The following SNX30 variants were observed in gnomAD, a reference collection of about 807,000 sequenced individuals.
SNX30 encodes sorting nexin-30.
In SNX30, 24 loss-of-function variants were observed where a neutral mutation model predicts 46.4. The observed-to-expected ratio is 0.52, with a 90% CI of 0.37 to 0.73. SNX30 has a LOEUF of 0.73. Among genes scored for constraint, SNX30 ranks in the 30% least tolerant of loss-of-function variants. SNX30 has a pLI of 0.00. For synonymous variants in SNX30, 189 were observed against 211.5 expected (o/e 0.89, Z 0.92); for missense variants, 533 against 555.7 (o/e 0.96, Z 0.41).
rs1841501216 is a variant in SNX30, at chr9:112,874,885, AAAAGAATTT to A, written c.*6043_*6051del. 6.6e-6 allele frequency: 1 copy of A among 152,228 alleles called. No individual in the cohort carries two copies. The highest frequency in any genetic ancestry group is 2.4e-5 in the African/African-American group (1 of 41,470). 9.4% of individuals were successfully genotyped at this position (152,228 alleles called of 1,614,324 possible). A position where few individuals can be genotyped will look rare whatever the true frequency, so the allele number is the denominator to read the frequency against. ...ATTAGTATTACATTTTGAGGTAAAC[AAAAGAATTT>A]GTATTGCTTGATAAATATTAGCTTG... On this transcript the variant is annotated 3_prime_UTR_variant, in exon 9 of 9. Coordinates refer to ENST00000374232, the MANE Select transcript of SNX30 (RefSeq NM_001012994.2).
chr9:112,808,699 A>G (rs967315065), intron 2 of SNX30, among the ~76,000 whole-genome samples: 5 of 122,440 alleles, frequency 4.1e-5, no homozygotes, highest in African/African-American at 1.5e-4. Flanking sequence ...CTGACTTTCT[A>G]TACTACTTCA....
intron 7 of SNX30, among the ~76,000 whole-genome samples, chr9:112,863,158 C>T (rs1841264450): frequency 6.6e-6 from 1 of 152,184 alleles, no homozygotes; most frequent in Admixed American, 6.5e-5. Flanking sequence ...TCATTGGCAT[C>T]ATTCTGGGTC....
chr9:112,797,715 T>TTC (rs1554751759), intron 1 of SNX30, among the ~76,000 whole-genome samples: 1 of 144,304 alleles, frequency 6.9e-6, no homozygotes, highest in African/African-American at 2.5e-5. Context: ...CTTTTTCTTT[T>TTC]TTTTTTTTTT....
At chr9:112,761,238 C>G (rs1454654544) in intron 1 of SNX30, among the ~76,000 whole-genome samples, 1 of 152,218 alleles carries the variant, frequency 6.6e-6, no homozygotes, top group Non-Finnish European at 1.5e-5. Flanking sequence ...CCTTGACTCA[C>G]TGCAACCTCC....
At chr9:112,815,698 C>T (rs1840386579) in intron 2 of SNX30, among the ~76,000 whole-genome samples, 2 of 152,128 alleles carry the variant, frequency 1.3e-5, no homozygotes, top group Non-Finnish European at 2.9e-5. Flanking sequence ...AAAAGTAGAG[C>T]CTTCCATCAG....
intron 1 of SNX30, among the ~76,000 whole-genome samples, chr9:112,766,525 G>A (rs1416010708): frequency 6.6e-6 from 1 of 152,154 alleles, no homozygotes; most frequent in African/African-American, 2.4e-5. Flanking sequence ...GTTGAGTAGT[G>A]TTAAGTATAT....
chr9:112,761,288 G>A (rs1195223287), intron 1 of SNX30, among the ~76,000 whole-genome samples: 7 of 152,066 alleles, frequency 4.6e-5, no homozygotes, highest in African/African-American at 1.7e-4. Flanking sequence ...TCAGCCTCCC[G>A]AGTAGCTGGG....
At chr9:112,834,194 C>T (rs111539516) in intron 4 of SNX30, among the ~76,000 whole-genome samples, 234 of 152,164 alleles carry the variant, frequency 1.5e-3, no homozygotes, top group African/African-American at 5.3e-3. Flanking sequence ...TCCCCAAACA[C>T]CAAGCAGCCA....
chr9:112,790,204 C>T (rs991800365), intron 1 of SNX30, among the ~76,000 whole-genome samples: 2 of 152,200 alleles, frequency 1.3e-5, no homozygotes, highest in Non-Finnish European at 1.5e-5. Context: ...TTGAATAACT[C>T]TCCAAAACAA....
intron 8 of SNX30, among the ~76,000 whole-genome samples, chr9:112,865,624 C>CATATATATATATAT (rs796986603): frequency 7.6e-4 from 60 of 78,962 alleles, no homozygotes; most frequent in African/African-American, 1.8e-3. Context: ...CCTGTCACGC[C>CATATATATATATAT]ATATATATAT....
intron 6 of SNX30, among the ~76,000 whole-genome samples, chr9:112,839,179 T>C (rs1045289583): frequency 6.6e-6 from 1 of 152,144 alleles, no homozygotes; most frequent in African/African-American, 2.4e-5. Flanking sequence ...AGCATCCGAC[T>C]GATAAGAGTT....
At chr9:112,819,912 CTG>C (rs1840466515) in intron 3 of SNX30, among the ~76,000 whole-genome samples, 1 of 152,224 alleles carries the variant, frequency 6.6e-6, no homozygotes, top group South Asian at 2.1e-4. Context: ...GCTTTCTTCA[CTG>C]TACAATTACT....
chr9:112,765,267 A>C (rs1839517861), intron 1 of SNX30, among the ~76,000 whole-genome samples: 1 of 152,240 alleles, frequency 6.6e-6, no homozygotes. Context: ...AGATTTTCTA[A>C]GGCATGTATG....
At chr9:112,787,401 T>C (rs913603772) in intron 1 of SNX30, among the ~76,000 whole-genome samples, 1 of 152,156 alleles carries the variant, frequency 6.6e-6, no homozygotes, top group Non-Finnish European at 1.5e-5. Context: ...ATTTTAGGTT[T>C]GGATTGAGGA....
At chr9:112,752,423 C>G (rs1839291882) in intron 1 of SNX30, among the ~76,000 whole-genome samples, 1 of 152,136 alleles carries the variant, frequency 6.6e-6, no homozygotes, top group African/African-American at 2.4e-5. Flanking sequence ...TGAGACCAGC[C>G]TGGGCAACAT....
chr9:112,855,914 G>C (rs1418928145), intron 7 of SNX30, among the ~76,000 whole-genome samples: 4 of 152,102 alleles, frequency 2.6e-5, no homozygotes, highest in African/African-American at 9.7e-5. Context: ...TGGAAGGTGG[G>C]GGGCATCAGA....
At chr9:112,769,563 T>G (rs1458472270) in intron 1 of SNX30, among the ~76,000 whole-genome samples, 1 of 152,240 alleles carries the variant, frequency 6.6e-6, no homozygotes, top group Non-Finnish European at 1.5e-5. Flanking sequence ...ACTTGGCTTC[T>G]GGGATTCCAC....
At chr9:112,753,962 A>T (rs564286782) in intron 1 of SNX30, among the ~76,000 whole-genome samples, 1 of 152,350 alleles carries the variant, frequency 6.6e-6, no homozygotes, top group Non-Finnish European at 1.5e-5. Context: ...CTACCTCAGC[A>T]GCATGAGGGT....
At chr9:112,757,401 T>C (rs1351735167) in intron 1 of SNX30, among the ~76,000 whole-genome samples, 3 of 152,356 alleles carry the variant, frequency 2.0e-5, no homozygotes, top group African/African-American at 4.8e-5. Context: ...TGTTCGTCCA[T>C]TGAGGCCTGC....
Sources: allele counts gnomAD v4.1 joint callset (sites outside exome capture counted in the v4.1 genomes callset), GRCh38; gene constraint gnomAD v4.1.1; transcripts MANE v1.5; gene names NCBI Gene and HGNC (gene_info 2026-07-23, HGNC 2026-07-21).